Variants in IQSEC1 observed in about 807,000 individuals in gnomAD.
IQSEC1 encodes the protein IQ motif and SEC7 domain-containing protein 1.
Under a neutral mutation model 91.0 loss-of-function variants are expected in IQSEC1, and 31 were observed. The ratio of observed to expected loss-of-function variants is 0.34; its 90% confidence interval spans 0.26 to 0.46. IQSEC1 has a LOEUF of 0.46. Among genes scored for constraint, IQSEC1 ranks in the 20% least tolerant of loss-of-function variants. The pLI, the probability that IQSEC1 is intolerant of heterozygous loss-of-function variation, is 1.00. For synonymous variants in IQSEC1, 699 were observed against 662.6 expected (o/e 1.05, Z -0.84); for missense variants, 1,388 against 1,575.6 (o/e 0.88, Z 2.02).
intron 1 of IQSEC1, among the ~76,000 whole-genome samples, chr3:13,255,868 CAGGGG>C (rs1179473336): frequency 6.6e-6 from 1 of 152,212 alleles, no homozygotes; most frequent in East Asian, 1.9e-4. Flanking sequence ...CCTCTTAAAC[CAGGGG>C]TTCCAACTCA....
intron 1 of IQSEC1, among the ~76,000 whole-genome samples, chr3:13,000,418 C>T (rs1368870462): frequency 6.6e-6 from 1 of 152,164 alleles, no homozygotes; most frequent in Non-Finnish European, 1.5e-5. Flanking sequence ...CCACAGTGTC[C>T]TGTACATCTT....
intron 1 of IQSEC1, among the ~76,000 whole-genome samples, chr3:13,243,010 G>A (rs1229869344): frequency 1.3e-5 from 2 of 152,140 alleles, no homozygotes; most frequent in African/African-American, 2.4e-5. Context: ...AGAGGGTTCC[G>A]CCAACCTACA....
intron 2 of IQSEC1, among the ~76,000 whole-genome samples, chr3:13,135,080 G>A (rs1706685929): frequency 6.6e-6 from 1 of 152,210 alleles, no homozygotes; most frequent in African/African-American, 2.4e-5. Flanking sequence ...TCTGCTGAGG[G>A]AGGCTGAGCA....
intron 1 of IQSEC1, among the ~76,000 whole-genome samples, chr3:13,249,167 CTT>C (rs60976247): frequency 0.068 from 7,247 of 106,328 alleles, 190 homozygotes; most frequent in African/African-American, 0.14. Flanking sequence ...GAAGGAATTT[CTT>C]TTTTTTTTTT....
intron 1 of IQSEC1, among the ~76,000 whole-genome samples, chr3:13,038,268 A>G (rs1210354962): frequency 1.7e-3 from 90 of 53,238 alleles, no homozygotes; most frequent in South Asian, 2.9e-3. Context: ...GTGTGTATAT[A>G]TATATATATA....
Position 12,979,357 on chromosome 3 carries a change from A to G in IQSEC1, c.24-37492T>C, listed in dbSNP as rs1701343622. ...AGATTAGCAAGCACAGAGAATCCAC[A>G]TGACAGGACGCCGCCAATAAAACAG... is the stretch of plus-strand genomic sequence containing the variant. On this transcript the variant is annotated intron_variant, in intron 1 of 13. Transcript: ENST00000613206. The surrounding 1 kb of genome is among the most constrained non-coding windows in gnomAD (Gnocchi z 4.3). Among the ~76,000 whole-genome samples the G allele has an allele frequency of 6.6e-6, 1 of 152,258 alleles. No homozygotes were observed. The highest frequency in any genetic ancestry group is 1.5e-5 in the Non-Finnish European group (1 of 68,044).
chr3:13,253,837 C>T (rs546913701), intron 1 of IQSEC1, among the ~76,000 whole-genome samples: 8 of 152,258 alleles, frequency 5.3e-5, no homozygotes, highest in South Asian at 2.1e-4. Flanking sequence ...CCAAGTGCCT[C>T]GGTGGTTATG....
At chr3:13,055,560 A>C (rs1170142781) in intron 1 of IQSEC1, among the ~76,000 whole-genome samples, 1 of 152,218 alleles carries the variant, frequency 6.6e-6, no homozygotes, top group African/African-American at 2.4e-5. Context: ...CAGAGGCATA[A>C]CTCAAAGAGT....
chr3:13,113,527 G>GC (rs1706285948), intron 2 of IQSEC1, among the ~76,000 whole-genome samples: 1 of 152,210 alleles, frequency 6.6e-6, no homozygotes, highest in Non-Finnish European at 1.5e-5. Flanking sequence ...TGCACCTGCC[G>GC]CCCCTCAGGA....
intron 2 of IQSEC1, among the ~76,000 whole-genome samples, chr3:13,159,874 G>A (rs1248951798): frequency 5.3e-5 from 8 of 152,114 alleles, no homozygotes; most frequent in East Asian, 1.9e-4. Context: ...CCCTCCACCC[G>A]GTCATTCATT....
At chr3:13,280,090 T>C (rs1393777399) in intron 1 of IQSEC1, among the ~76,000 whole-genome samples, 1 of 152,016 alleles carries the variant, frequency 6.6e-6, no homozygotes. Flanking sequence ...GAGGCAGCTA[T>C]GATCATTCCT....
At chr3:13,167,473 T>C (rs1349796943) in intron 1 of IQSEC1, among the ~76,000 whole-genome samples, 1 of 152,120 alleles carries the variant, frequency 6.6e-6, no homozygotes, top group Non-Finnish European at 1.5e-5. Context: ...TGGGAGTGGC[T>C]GAAGGCTGCT....
chr3:12,938,787 G>A (rs1042506758), intron 2 of IQSEC1, among the ~76,000 whole-genome samples: 8 of 152,124 alleles, frequency 5.3e-5, no homozygotes, highest in East Asian at 3.9e-4. Flanking sequence ...CGCAGACCAC[G>A]CAGCCACCCT....
At chr3:12,917,552 C>T (rs1416341346) in intron 6 of IQSEC1, among the ~76,000 whole-genome samples, 1 of 152,200 alleles carries the variant, frequency 6.6e-6, no homozygotes, top group Non-Finnish European at 1.5e-5. Context: ...AAGTTTCCTC[C>T]ACATCTCTTC....
chr3:13,207,567 A>C lies in IQSEC1; in HGVS notation c.273-43434T>G, dbSNP rs1338743131. On this transcript the variant is annotated intron_variant, in intron 1 of 15. Coordinates refer to the IQSEC1 transcript ENST00000648114. The surrounding 1 kb of genome is among the most constrained non-coding windows in gnomAD (Gnocchi z 4.8). Reference sequence around the variant, plus strand: ...CCACGCCAGTTCCCATTCGCAGCCCAGTCAAGAGGATTTGGCATCATCTGG... The same window carrying C: ...CCACGCCAGTTCCCATTCGCAGCCCCGTCAAGAGGATTTGGCATCATCTGG... Among the ~76,000 whole-genome samples, 1 of 152,150 alleles carries C rather than the reference A, an allele frequency of 6.6e-6. No individual in the cohort carries two copies. The highest frequency in any genetic ancestry group is 2.4e-5 in the African/African-American group (1 of 41,428).
At chr3:13,012,759 C>T (rs767350949) in intron 1 of IQSEC1, among the ~76,000 whole-genome samples, 1 of 152,164 alleles carries the variant, frequency 6.6e-6, no homozygotes, top group Non-Finnish European at 1.5e-5. Flanking sequence ...TTCCGCCATT[C>T]CCGAAGCTAG....
intron 1 of IQSEC1, among the ~76,000 whole-genome samples, chr3:13,023,218 G>A (rs1393457657): frequency 6.6e-6 from 1 of 152,130 alleles, no homozygotes. Flanking sequence ...ATGAAGGGCT[G>A]GAGCCTCTGA....
At chr3:12,986,190 T>G (rs1475167793) in intron 1 of IQSEC1, among the ~76,000 whole-genome samples, 1 of 152,208 alleles carries the variant, frequency 6.6e-6, no homozygotes. Flanking sequence ...GACAGCATGC[T>G]ACAGGGAAGG....
chr3:13,271,259 C>A (rs1020401870), intron 1 of IQSEC1, among the ~76,000 whole-genome samples: 3 of 152,118 alleles, frequency 2.0e-5, no homozygotes, highest in African/African-American at 7.2e-5. Context: ...AGCCTGTAGT[C>A]CCAGCTACTC....
Sources: gnomAD v4.1 joint callset for allele counts (sites outside exome capture counted in the v4.1 genomes callset) on GRCh38, gnomAD v4.1.1 for gene constraint, Gnocchi (gnomAD v3.1) non-coding constraint, MANE v1.5 for transcripts, NCBI Gene and HGNC (gene_info 2026-07-23, HGNC 2026-07-21) for gene names.